BBS2: variants seen among roughly 807,000 people sequenced by gnomAD.
BBS2 encodes the protein BBSome complex member BBS2.
Under a neutral mutation model 83.0 loss-of-function variants are expected in BBS2, and 62 were observed. The observed-to-expected ratio is 0.75, with a 90% CI of 0.61 to 0.92. The LOEUF is 0.92. Among genes scored for constraint, BBS2 ranks in the 40% least tolerant of loss-of-function variants. BBS2 has a pLI of 0.00. For missense variants in BBS2, 784 were observed against 901.0 expected (o/e 0.87, Z 1.66); for synonymous variants, 303 against 326.1 (o/e 0.93, Z 0.76).
chr16:56,515,733 G>A (rs769739291), intron 1 of BBS2, among the ~76,000 whole-genome samples: 13 of 152,162 alleles, frequency 8.5e-5, no homozygotes, highest in Non-Finnish European at 1.9e-4. Flanking sequence ...TAGAAAACGT[G>A]CAGCCACTGA....
At chr16:56,513,917 T>C (rs1317936232) in intron 2 of BBS2, among the ~76,000 whole-genome samples, 1 of 152,248 alleles carries the variant, frequency 6.6e-6, no homozygotes, top group Non-Finnish European at 1.5e-5. Context: ...CCCATTTTAC[T>C]ACAAAATGTA....
chr16:56,501,540 C>G (rs373801731), intron 9 of BBS2, 43 bp from the exon 10 acceptor site: 1 of 1,613,552 alleles, frequency 6.2e-7, no homozygotes, highest in African/African-American at 1.3e-5. Context: ...CACCAAAACA[C>G]TGAACTAATA....
chr16:56,503,490 T>A (rs1288961378), intron 7 of BBS2, among the ~76,000 whole-genome samples: 1 of 152,194 alleles, frequency 6.6e-6, no homozygotes. Flanking sequence ...CTCTTCCACA[T>A]AAAAACTATT....
chr16:56,476,086 T>C lies in BBS2; in HGVS notation c.*1-5391A>G, dbSNP rs371863586. 8.7e-6 allele frequency: 14 copies of C among 1,613,812 alleles called. No homozygotes were observed. Among genetic ancestry groups the C allele is most frequent in the African/African-American group, 6.7e-5 (5 of 74,934 alleles). ...AGAAAGCAATTCTTTGGCATTGGTC[T>C]ACAGAGACAGAGAGACTCTGAAATT... On this transcript the variant is annotated intron_variant, in intron 17 of 17. Coordinates refer to the BBS2 transcript ENST00000682047.
chr16:56,518,585 A>G (rs1458922203), intron 1 of BBS2, among the ~76,000 whole-genome samples: 2 of 152,262 alleles, frequency 1.3e-5, no homozygotes, highest in Non-Finnish European at 2.9e-5. Flanking sequence ...ACTGGAGCCA[A>G]GAAACACCAT....
Position 56,470,814 on chromosome 16 carries a change from C to CCTTA in BBS2, c.*1-123_*1-120dup, listed in dbSNP as rs1182491473. 6 of 1,538,004 alleles carry CCTTA rather than the reference C, an allele frequency of 3.9e-6. No homozygotes were observed. In the African/African-American group the frequency reaches 8.3e-5, roughly 21 times the overall value. On this transcript the variant is annotated intron_variant, in intron 17 of 17. Coordinates refer to the BBS2 transcript ENST00000682047. Reference sequence around the variant, plus strand: ...AAGGTAAGCTGTTGTTAGGATTTGTCCTTACTTACCATTAACCATTCACCA... The same window carrying CCTTA: ...AAGGTAAGCTGTTGTTAGGATTTGTCCTTACTTACTTACCATTAACCATTCACCA...
chr16:56,507,795 C>T (rs1354993335), intron 5 of BBS2, among the ~76,000 whole-genome samples: 1 of 152,052 alleles, frequency 6.6e-6, no homozygotes, highest in African/African-American at 2.4e-5. Flanking sequence ...TGACGAAACC[C>T]CATCTCTACT....
In BBS2 at chr16:56,500,967, G is replaced by C; in HGVS notation, c.1284C>G (p.His428Gln). The stretch of plus-strand genomic sequence containing the variant: ...GGTTGTGAATGCTGGGATGTACCAC[G>C]TGGCTTTCACCTGTAAAAATTCCTT... ...FAEGIFTGES[H>Q]VVHPSIHNLS... The change falls in exon 11 of 17, where the codon CAC becomes CAG. Residue 428 changes from histidine to glutamine, a missense_variant. By Grantham distance (24) the His-to-Gln change is conservative. Transcript: ENST00000245157. 6.2e-7 allele frequency: 1 copy of C among 1,614,096 alleles called. No individual in the cohort carries two copies. The highest frequency in any genetic ancestry group is 8.5e-7 in the Non-Finnish European group (1 of 1,179,990).
At chr16:56,502,166 G>C in intron 9 of BBS2, 151 bp downstream of exon 9, 1 of 1,031,988 alleles carries the variant, frequency 9.7e-7, no homozygotes, top group Non-Finnish European at 1.5e-6. Context: ...GAAATTTCAA[G>C]ACGAAAGCAT....
At position 56,484,616 on chromosome 16, in the gene BBS2, T is replaced by C; in HGVS notation, c.*145A>G. 1 of 692,478 alleles carries C rather than the reference T, an allele frequency of 1.4e-6. No individual in the cohort carries two copies. The highest frequency in any genetic ancestry group is 2.6e-6 in the Non-Finnish European group (1 of 382,936). The allele number at this position is 692,478 out of a possible 1,614,324, so 42.9% of individuals were successfully genotyped here. On this transcript the variant is annotated 3_prime_UTR_variant, in exon 17 of 17. Coordinates refer to ENST00000245157, the MANE Select transcript of BBS2 (RefSeq NM_031885.5). ...AAAGCAAGTCTATCTTCACATGTAG[T>C]TCTTTGTCTTTAATTTGTACAACTC...
chr16:56,480,352 C>CCAAAAAAAAAAAAAAAA (rs1555519770), downstream of BBS2, among the ~76,000 whole-genome samples: 1 of 76,592 alleles, frequency 1.3e-5, no homozygotes, highest in Non-Finnish European at 2.3e-5. Flanking sequence ...CACACACACA[C>CCAAAAAAAAAAAAAAAA]AAAAAAAAAA....
downstream of BBS2, among the ~76,000 whole-genome samples, chr16:56,483,205 T>C (rs1244886047): frequency 6.6e-6 from 1 of 152,234 alleles, no homozygotes; most frequent in Non-Finnish European, 1.5e-5. Context: ...TAAGTATTTG[T>C]GTAATTATAC....
chr16:56,474,477 C>T (rs1020827306), intron 17 of BBS2, among the ~76,000 whole-genome samples: 6 of 151,976 alleles, frequency 3.9e-5, no homozygotes, highest in Non-Finnish European at 7.4e-5. Flanking sequence ...TGCACTACCA[C>T]GCCTGGCTAA....
Position 56,519,768 on chromosome 16 carries a change from G to A in BBS2, c.95C>T (p.Ala32Val). 1.2e-6 allele frequency: 2 copies of A among 1,613,276 alleles called. No homozygotes were observed. Among genetic ancestry groups the A allele is most frequent in the Non-Finnish European group, 8.5e-7 (1 of 1,179,528 alleles). ...GRYDGTHPCLAAATQTGKVFI... is the reference protein window; with the variant it reads ...GRYDGTHPCLVAATQTGKVFI... ...TACCTTGCCCGTTTGGGTGGCGGCC[G>A]CCAGGCACGGGTGAGTCCCGTCGTA... The change falls in exon 1 of 17, where the codon GCG becomes GTG. Residue 32 changes from alanine (A) to valine (V), a missense_variant. Ala to Val is a moderately conservative substitution (Grantham distance 64). Coordinates refer to ENST00000245157, the MANE Select transcript of BBS2 (RefSeq NM_031885.5).
At position 56,500,966 on chromosome 16, in the gene BBS2, C is replaced by A; in HGVS notation, c.1285G>T (p.Val429Leu). The A allele has an allele frequency of 6.2e-7, 1 of 1,614,112 alleles. No individual in the cohort carries two copies. Among genetic ancestry groups the A allele is most frequent in the Non-Finnish European group, 8.5e-7 (1 of 1,179,986 alleles). The change falls in exon 11 of 17, where the codon GTG becomes TTG. Residue 429 changes from valine to leucine, a missense_variant. By Grantham distance (32) the Val-to-Leu change is conservative. Transcript: ENST00000245157. ...AGGTTGTGAATGCTGGGATGTACCA[C>A]GTGGCTTTCACCTGTAAAAATTCCT... is the stretch of plus-strand genomic sequence containing the variant. ...AEGIFTGESH[V>L]VHPSIHNLSS...
downstream of BBS2, among the ~76,000 whole-genome samples, chr16:56,480,352 C>CAAAAAAAAAAAAAAAAAAAAAAA (rs1286219655): frequency 5.2e-4 from 40 of 76,522 alleles, no homozygotes; most frequent in African/African-American, 8.7e-4. Context: ...CACACACACA[C>CAAAAAAAAAAAAAAAAAAAAAAA]AAAAAAAAAA....
In BBS2 at chr16:56,500,783, A is replaced by G. The variant is rs1964247343; in HGVS notation, c.1397+71T>C. 4.6e-6 allele frequency: 7 copies of G among 1,524,408 alleles called. No homozygotes were observed. In the East Asian group the frequency reaches 1.4e-4, roughly 29 times the overall value. The allele number at this position is 1,524,408 out of a possible 1,614,324, so 94.4% of individuals were successfully genotyped here. ...AGGCCCCCAAGAATCCACTGGGCAT[A>G]TGGAAAATTTATACATCTTGCCCTC... On this transcript the variant is annotated intron_variant, in intron 11 of 16. Transcript: ENST00000245157.
At chr16:56,484,270 T>G (rs1471731597), downstream of BBS2, 1 of 163,810 alleles carries the variant, frequency 6.1e-6, no homozygotes, top group Non-Finnish European at 1.3e-5. Context: ...CCTCCCAAAG[T>G]GCTAGATTAC....
intron 14 of BBS2, 66 bp downstream of exon 14, chr16:56,497,677 C>T: frequency 6.3e-7 from 1 of 1,589,958 alleles, no homozygotes; most frequent in Non-Finnish European, 8.6e-7. Context: ...TTTGTAGTAC[C>T]ATTAATCTCC....
Sources: allele counts gnomAD v4.1 joint callset (sites outside exome capture counted in the v4.1 genomes callset), GRCh38; gene constraint gnomAD v4.1.1; transcripts MANE v1.5; gene names NCBI Gene and HGNC (gene_info 2026-07-23, HGNC 2026-07-21).